Variants in HS3ST5 observed in about 807,000 individuals in gnomAD.
HS3ST5 encodes heparan sulfate-glucosamine 3-sulfotransferase 5, also known as heparan sulfate glucosamine 3-O-sulfotransferase 5.
A neutral mutation model predicts 25.4 loss-of-function variants in HS3ST5; 10 were observed. The observed-to-expected ratio is 0.39, with a 90% CI of 0.24 to 0.67. The LOEUF is 0.67. HS3ST5 is among the 30% of genes least tolerant of loss of function. HS3ST5 has a pLI of 0.44. For synonymous variants in HS3ST5, 170 were observed against 162.4 expected, an observed-to-expected ratio of 1.05 and a Z score of -0.36; for missense variants, 324 against 420.7, an observed-to-expected ratio of 0.77 and a Z score of 2.01.
intron 2 of HS3ST5, among the ~76,000 whole-genome samples, chr6:114,177,531 T>C (rs1029168): frequency 0.97 from 147,829 of 152,318 alleles, 71,897 homozygotes; most frequent in East Asian, 1. Context: ...ATAAAGAACC[T>C]TCTTAAATGT....
At chr6:114,341,222 GGAGAGAGAGA>G (rs4034605) in intron 1 of HS3ST5, among the ~76,000 whole-genome samples, 7 of 46,634 alleles carry the variant, frequency 1.5e-4, no homozygotes, top group South Asian at 9.1e-4. Flanking sequence ...GGAGAGAGGG[GGAGAGAGAGA>G]GAGAGAGAGA....
intron 2 of HS3ST5, among the ~76,000 whole-genome samples, chr6:114,212,056 C>T (rs557546716): frequency 1.6e-4 from 25 of 152,328 alleles, no homozygotes; most frequent in South Asian, 8.3e-4. Context: ...TGGTCTATAA[C>T]GGCCTCTCCT....
chr6:114,084,071 T>A, intron 3 of HS3ST5: 1 of 585,168 alleles, frequency 1.7e-6, no homozygotes. Flanking sequence ...GGTTCCCTGA[T>A]CATATTTTCT....
chr6:114,152,299 AAAAG>A (rs1316316434), intron 3 of HS3ST5, among the ~76,000 whole-genome samples: 4 of 152,178 alleles, frequency 2.6e-5, no homozygotes, highest in Non-Finnish European at 5.9e-5. Flanking sequence ...TTTTTAAAGA[AAAAG>A]AATTATTCCT....
chr6:114,276,846 A>G (rs1478324858), intron 1 of HS3ST5, among the ~76,000 whole-genome samples: 2 of 151,968 alleles, frequency 1.3e-5, no homozygotes, highest in African/African-American at 4.8e-5. Flanking sequence ...CCTACCTTGC[A>G]TAAAATATTT....
chr6:114,213,086 C>G (rs1275531008), intron 2 of HS3ST5, among the ~76,000 whole-genome samples: 1 of 152,148 alleles, frequency 6.6e-6, no homozygotes. Flanking sequence ...GAAAGTGGCT[C>G]TCAGCGGGAT....
chr6:114,251,859 A>G (rs948409749), intron 1 of HS3ST5: 1 of 152,258 alleles, frequency 6.6e-6, no homozygotes, highest in African/African-American at 2.4e-5. Flanking sequence ...CTGTATCAAG[A>G]GTAGTCTGAT....
At chr6:114,234,691 G>T (rs1368077660) in intron 1 of HS3ST5, among the ~76,000 whole-genome samples, 1 of 152,000 alleles carries the variant, frequency 6.6e-6, no homozygotes, top group African/African-American at 2.4e-5. Context: ...TTCTGTACTT[G>T]GGGGAAAAAG....
chr6:114,264,277 A>G (rs1773307793), intron 1 of HS3ST5, among the ~76,000 whole-genome samples: 2 of 152,160 alleles, frequency 1.3e-5, no homozygotes. Context: ...ATGATGAAAA[A>G]CATGTCTGCA....
At chr6:114,228,468 T>C (rs1489865584) in intron 2 of HS3ST5, 117 bp downstream of exon 2, 1 of 152,302 alleles carries the variant, frequency 6.6e-6, no homozygotes, top group East Asian at 1.9e-4. Flanking sequence ...CATGGATAGT[T>C]TTCTTACATT....
chr6:114,154,142 G>A (rs1290225983), intron 3 of HS3ST5, among the ~76,000 whole-genome samples: 3 of 152,224 alleles, frequency 2.0e-5, no homozygotes, highest in African/African-American at 7.2e-5. Flanking sequence ...AGAAGGGAAA[G>A]GAGATGTCTG....
chr6:114,123,009 A>G (rs958122818), intron 3 of HS3ST5, among the ~76,000 whole-genome samples: 2 of 152,094 alleles, frequency 1.3e-5, no homozygotes, highest in East Asian at 1.9e-4. Flanking sequence ...CTGGAGTGCA[A>G]TGGTGCAATC....
At chr6:114,253,155 A>G (rs898644584) in intron 1 of HS3ST5, among the ~76,000 whole-genome samples, 2 of 152,228 alleles carry the variant, frequency 1.3e-5, no homozygotes, top group African/African-American at 4.8e-5. Context: ...TTGTGGTGCC[A>G]GTGTACCTTA....
intron 1 of HS3ST5, among the ~76,000 whole-genome samples, chr6:114,281,271 TTAAATGAGCTGTAC>T (rs1774097110): frequency 6.6e-6 from 1 of 152,010 alleles, no homozygotes; most frequent in African/African-American, 2.4e-5. Context: ...ATAACTGATT[TTAAATGAGCTGTAC>T]TTTACAAAGT....
At chr6:114,102,399 G>C (rs564638775) in intron 3 of HS3ST5, among the ~76,000 whole-genome samples, 65 of 152,284 alleles carry the variant, frequency 4.3e-4, no homozygotes, top group African/African-American at 1.6e-3. Context: ...ATCTGGAGGA[G>C]CTCACTGTTG....
At chr6:114,135,750 TTC>T (rs1187136771) in intron 3 of HS3ST5, among the ~76,000 whole-genome samples, 1 of 152,254 alleles carries the variant, frequency 6.6e-6, no homozygotes, top group Admixed American at 6.5e-5. Context: ...ATAGTGTTTA[TTC>T]TGTCCTTGCT....
At chr6:114,220,382 C>A (rs925630510) in intron 2 of HS3ST5, among the ~76,000 whole-genome samples, 13 of 151,962 alleles carry the variant, frequency 8.6e-5, no homozygotes, top group African/African-American at 2.7e-4. Flanking sequence ...AATATATTAA[C>A]TTTCTGCTCT....
At chr6:114,227,205 A>G (rs1379342948) in intron 2 of HS3ST5, among the ~76,000 whole-genome samples, 1 of 128,894 alleles carries the variant, frequency 7.8e-6, no homozygotes, top group Non-Finnish European at 1.7e-5. Flanking sequence ...TGTAAAACTA[A>G]TAGCTAATAT....
chr6:114,110,253 G>A (rs1481144614), intron 3 of HS3ST5, among the ~76,000 whole-genome samples: 1 of 151,986 alleles, frequency 6.6e-6, no homozygotes, highest in Admixed American at 6.6e-5. Flanking sequence ...CTGTGGCCTA[G>A]AGTCTATACA....
Sources: gnomAD v4.1 joint callset for allele counts (sites outside exome capture counted in the v4.1 genomes callset) on GRCh38, gnomAD v4.1.1 for gene constraint, MANE v1.5 for transcripts, NCBI Gene and HGNC (gene_info 2026-07-23, HGNC 2026-07-21) for gene names.